PCDHGB4: variants seen among roughly 807,000 people sequenced by gnomAD.
PCDHGB4 encodes the protein protocadherin gamma subfamily B, 4.
A neutral mutation model predicts 60.5 loss-of-function variants in PCDHGB4; 38 were observed. That is an observed-to-expected ratio of 0.63 (90% CI 0.48 to 0.82). PCDHGB4 has a LOEUF of 0.82. PCDHGB4 is among the 40% of genes least tolerant of loss of function. The pLI, the probability that PCDHGB4 is intolerant of heterozygous loss-of-function variation, is 0.00. For missense variants in PCDHGB4, 1,109 were observed against 1,209.6 expected, an observed-to-expected ratio of 0.92 and a Z score of 1.23; for synonymous variants, 456 against 509.7, an observed-to-expected ratio of 0.89 and a Z score of 1.42.
chr5:141,462,240 A>G (rs375419703), intron 1 of PCDHGB4, among the ~76,000 whole-genome samples: 2 of 152,216 alleles, frequency 1.3e-5, no homozygotes, highest in South Asian at 4.1e-4. Context: ...GATTACAGGT[A>G]TGAGCCACCA....
rs766852982 is a variant in PCDHGB4, at chr5:141,486,907, A to G, written c.2398-7900A>G. ...CCCGGCCTGGTTCCTTATGTCCCCA[A>G]GCACTGCCTCCATCAGTTGGTGCTG... On this transcript the variant is annotated intron_variant, in intron 1 of 3. Coordinates refer to ENST00000519479, the MANE Select transcript of PCDHGB4 (RefSeq NM_003736.4). The surrounding 1 kb of genome is among the most constrained non-coding windows in gnomAD (Gnocchi z 5.0). 6.2e-5 allele frequency: 100 copies of G among 1,614,122 alleles called. No homozygotes were observed. The highest frequency in any genetic ancestry group is 8.0e-5 in the Non-Finnish European group (94 of 1,180,056).
rs1042973261 is a variant in PCDHGB4 at position 141,491,547 on chromosome 5, G to T, written c.2398-3260G>T. ...AGGTGACGCTGCGGCCCACAGACTC[G>T]CAGAGCCACTGCTACAGGACGTGCT... On this transcript the variant is annotated intron_variant, in intron 1 of 3. Transcript: ENST00000519479. The surrounding 1 kb of genome is among the most constrained non-coding windows in gnomAD (Gnocchi z 6.9). 6.8e-6 allele frequency: 11 copies of T among 1,613,856 alleles called. No homozygotes were observed. Among genetic ancestry groups the T allele is most frequent in the Middle Eastern group, 1.6e-4 (1 of 6,084 alleles).
Position 141,485,818 on chromosome 5 carries a change from C to A in PCDHGB4, c.2398-8989C>A, listed in dbSNP as rs757848513. The A allele has an allele frequency of 1.2e-6, 2 of 1,613,910 alleles. No individual in the cohort carries two copies. The highest frequency in any genetic ancestry group is 1.7e-6 in the Non-Finnish European group (2 of 1,179,974). On this transcript the variant is annotated intron_variant, in intron 1 of 3. Transcript: ENST00000519479. The surrounding 1 kb of genome is among the most constrained non-coding windows in gnomAD (Gnocchi z 5.7). ...ACTACCGCCTGGTGCTGACTGCTGT[C>A]GATGGAGGGAACCCGCCGAGATCTG...
rs202183643 is a variant in PCDHGB4 at position 141,490,646 on chromosome 5, C to T, written c.2398-4161C>T. 9 of 1,614,186 alleles carry T rather than the reference C, an allele frequency of 5.6e-6. No homozygotes were observed. Among genetic ancestry groups the T allele is most frequent in the African/African-American group, 2.7e-5 (2 of 75,054 alleles). ...GCTTACATCCTAGAAAACCGGCCTC[C>T]GGGCTCCCTTCTTTGCACTGTGGCT... On this transcript the variant is annotated intron_variant, in intron 1 of 3. Transcript: ENST00000519479. The surrounding 1 kb of genome is among the most constrained non-coding windows in gnomAD (Gnocchi z 5.4).
At chr5:141,399,942 G>A (rs780939486) in intron 1 of PCDHGB4, 12 of 1,612,140 alleles carry the variant, frequency 7.4e-6, no homozygotes, top group Middle Eastern at 1.9e-4. Context: ...ACCACGTGCT[G>A]CAGGCTAGCG....
At position 141,493,223 on chromosome 5, in the gene PCDHGB4, A is replaced by G. The variant is rs2099747083; in HGVS notation, c.2398-1584A>G. Among the ~76,000 whole-genome samples, 1 of 152,142 alleles carries G rather than the reference A, an allele frequency of 6.6e-6. No homozygotes were observed. The highest frequency in any genetic ancestry group is 6.6e-5 in the Admixed American group (1 of 15,262). On this transcript the variant is annotated intron_variant, in intron 1 of 3. Transcript: ENST00000519479. The surrounding 1 kb of genome is among the most constrained non-coding windows in gnomAD (Gnocchi z 4.3). ...CCTCATCTCATTTGCTCTTCCCACC[A>G]TTGCTGTTGGCTAGGTACTAACATG...
At chr5:141,464,929 G>A (rs1358204606) in intron 1 of PCDHGB4, among the ~76,000 whole-genome samples, 1 of 151,878 alleles carries the variant, frequency 6.6e-6, no homozygotes, top group Non-Finnish European at 1.5e-5. Flanking sequence ...TTGTAGAGAT[G>A]TGAGGTCTCA....
chr5:141,394,488 G>A (rs753312224), intron 1 of PCDHGB4: 5 of 1,614,196 alleles, frequency 3.1e-6, no homozygotes, highest in South Asian at 2.2e-5. Flanking sequence ...GAATGACAAC[G>A]CGCCCGAGAT....
intron 1 of PCDHGB4, chr5:141,408,896 GT>G: frequency 6.2e-7 from 1 of 1,613,328 alleles, no homozygotes; most frequent in Non-Finnish European, 8.5e-7. Context: ...AGAAATTTCT[GT>G]CAAGGATACC....
chr5:141,480,371 C>T (rs1562080299), intron 1 of PCDHGB4, among the ~76,000 whole-genome samples: 1 of 151,908 alleles, frequency 6.6e-6, no homozygotes, highest in African/African-American at 2.4e-5. Flanking sequence ...GCTGTGATTG[C>T]ACCACTACAC....
intron 1 of PCDHGB4, chr5:141,408,244 G>A (rs746604555): frequency 6.3e-7 from 1 of 1,585,990 alleles, no homozygotes; most frequent in Non-Finnish European, 8.6e-7. Context: ...CCGGCCCGCG[G>A]CAGGTGCTAT....
intron 1 of PCDHGB4, among the ~76,000 whole-genome samples, chr5:141,447,405 T>C (rs1045202682): frequency 6.6e-6 from 1 of 152,068 alleles, no homozygotes; most frequent in Non-Finnish European, 1.5e-5. Context: ...CCCAAAGTGC[T>C]GGGATTACAG....
intron 1 of PCDHGB4, chr5:141,394,323 T>A (rs1323089912): frequency 6.2e-7 from 1 of 1,613,982 alleles, no homozygotes; most frequent in South Asian, 1.1e-5. Flanking sequence ...CCTGTCCTCG[T>A]ATATCTCCAT....
chr5:141,480,240 CA>C lies in PCDHGB4; in HGVS notation c.2398-14552del, dbSNP rs11374694. 4.6e-3 allele frequency among the ~76,000 whole-genome samples: 522 copies of C among 113,846 alleles called. 1 individual carries two copies. Among genetic ancestry groups the C allele is most frequent in the Non-Finnish European group, 5.4e-3 (287 of 52,954 alleles). 74.7% of individuals were successfully genotyped at this position (113,846 alleles called of 152,430 possible). A position where few individuals can be genotyped will look rare whatever the true frequency, so the allele number is the denominator to read the frequency against. ...GCGACATAGTGAGATCCTGTCTCTACAAAAAAAAAAAAAAATGTGTTTTCAT... is the reference window on the plus strand; with the variant it reads ...GCGACATAGTGAGATCCTGTCTCTACAAAAAAAAAAAAAATGTGTTTTCAT... On this transcript the variant is annotated intron_variant, in intron 1 of 3. Coordinates refer to ENST00000519479, the MANE Select transcript of PCDHGB4 (RefSeq NM_003736.4).
At chr5:141,397,627 T>C (rs2093547800) in intron 1 of PCDHGB4, among the ~76,000 whole-genome samples, 1 of 152,224 alleles carries the variant, frequency 6.6e-6, no homozygotes, top group African/African-American at 2.4e-5. Context: ...TAGTTCTAGC[T>C]AAGAGTTCAA....
Position 141,494,824 on chromosome 5 carries a change from G to A in PCDHGB4, c.2415G>A (p.Thr805=), listed in dbSNP as rs1423741889. The A allele has an allele frequency of 1.8e-5, 29 of 1,613,924 alleles. No homozygotes were observed. Among genetic ancestry groups the A allele is most frequent in the Non-Finnish European group, 2.4e-5 (28 of 1,180,032 alleles). Residue 805 remains threonine (T), a synonymous_variant, in exon 2 of 4, where the codon ACG becomes ACA. Transcript: ENST00000519479. The part of the protein sequence containing the change: ...LTSHQQAPPN[T]DWRFSQAQRP... ...CTCCACAGCAAGCCCCGCCCAACAC[G>A]GACTGGCGTTTCTCTCAGGCCCAGA...
chr5:141,507,851 C>T (rs570052933), intron 3 of PCDHGB4, among the ~76,000 whole-genome samples: 48 of 152,322 alleles, frequency 3.2e-4, no homozygotes, highest in African/African-American at 1.1e-3. Context: ...CCTGCTCTCA[C>T]TTTCACACCC....
At chr5:141,458,854 T>G (rs2098955098) in intron 1 of PCDHGB4, among the ~76,000 whole-genome samples, 1 of 152,182 alleles carries the variant, frequency 6.6e-6, no homozygotes, top group South Asian at 2.1e-4. Flanking sequence ...CACCTCAGCC[T>G]TCCAAGTAGC....
rs747917835 is a variant in PCDHGB4 at position 141,487,659 on chromosome 5, AT to A, written c.2398-7147del. 3.7e-6 allele frequency: 6 copies of A among 1,613,466 alleles called. No homozygotes were observed. Among genetic ancestry groups the A allele is most frequent in the Non-Finnish European group, 5.1e-6 (6 of 1,179,716 alleles). On this transcript the variant is annotated intron_variant, in intron 1 of 3. Coordinates refer to ENST00000519479, the MANE Select transcript of PCDHGB4 (RefSeq NM_003736.4). This position sits in a 1 kb window ranked among gnomAD's most constrained non-coding sequence, Gnocchi z 5.0. ...CAACAAATGCTTGAGGGTTATTCTGATCCAGGCATATGGCTAGGCCATGTCC... is the reference window on the plus strand; with the variant it reads ...CAACAAATGCTTGAGGGTTATTCTGACCAGGCATATGGCTAGGCCATGTCC...
Sources: gnomAD v4.1 joint callset for allele counts (sites outside exome capture counted in the v4.1 genomes callset) on GRCh38, gnomAD v4.1.1 for gene constraint, Gnocchi (gnomAD v3.1) non-coding constraint, MANE v1.5 for transcripts, NCBI Gene and HGNC (gene_info 2026-07-23, HGNC 2026-07-21) for gene names.